Variants in CDH13 observed in about 807,000 individuals in gnomAD.
CDH13 encodes cadherin 13.
A neutral mutation model predicts 63.8 loss-of-function variants in CDH13; 24 were observed. The ratio of observed to expected loss-of-function variants is 0.38; its 90% CI spans 0.27 to 0.53. The LOEUF (loss-of-function observed/expected upper bound fraction) is 0.53. Among genes scored for constraint, CDH13 ranks in the 20% least tolerant of loss-of-function variants. CDH13 has a pLI of 0.85. For missense variants in CDH13, 1,049 were observed against 903.1 expected, an observed-to-expected ratio of 1.16 and a Z score of -2.07; for synonymous variants, 503 against 355.3, an observed-to-expected ratio of 1.42 and a Z score of -4.67.
intron 2 of CDH13, among the ~76,000 whole-genome samples, chr16:82,963,480 C>A (rs1484337026): frequency 6.6e-6 from 1 of 152,172 alleles, no homozygotes; most frequent in Admixed American, 6.6e-5. Flanking sequence ...TATGGTTTCA[C>A]CGTATCACAT....
At chr16:83,193,426 G>A (rs933594409) in intron 4 of CDH13, among the ~76,000 whole-genome samples, 4 of 152,166 alleles carry the variant, frequency 2.6e-5, no homozygotes, top group Non-Finnish European at 5.9e-5. Context: ...CCTACCTCCT[G>A]GGGAGAAGAC....
At chr16:83,337,128 G>T (rs549958841) in intron 5 of CDH13, among the ~76,000 whole-genome samples, 1 of 152,274 alleles carries the variant, frequency 6.6e-6, no homozygotes, top group East Asian at 1.9e-4. Flanking sequence ...AGCATTTTAC[G>T]TACAGCCAAT....
chr16:83,198,538 AG>A (rs2038940605), intron 4 of CDH13, among the ~76,000 whole-genome samples: 1 of 152,208 alleles, frequency 6.6e-6, no homozygotes, highest in Non-Finnish European at 1.5e-5. Context: ...TACAGACAGA[AG>A]GTGCATCTTG....
intron 5 of CDH13, among the ~76,000 whole-genome samples, chr16:83,313,702 C>T (rs942734995): frequency 6.8e-6 from 1 of 146,880 alleles, no homozygotes; most frequent in African/African-American, 2.5e-5. Flanking sequence ...AAAATGTGAG[C>T]ATTCTAGAGG....
chr16:83,017,287 T>C (rs1914900945), intron 2 of CDH13, among the ~76,000 whole-genome samples: 1 of 152,196 alleles, frequency 6.6e-6, no homozygotes, highest in Non-Finnish European at 1.5e-5. Context: ...TGGATTTAAT[T>C]ACTGACTTCA....
chr16:82,826,876 G>C (rs988343108), intron 1 of CDH13, among the ~76,000 whole-genome samples: 1 of 152,210 alleles, frequency 6.6e-6, no homozygotes, highest in Non-Finnish European at 1.5e-5. Context: ...AGGTTTTCAA[G>C]TTACAGCAGC....
rs368745460 is a variant in CDH13 at position 83,102,428 on chromosome 16, G to A, written c.367-22957G>A. 1.3e-3 allele frequency among the ~76,000 whole-genome samples: 204 copies of A among 152,332 alleles called. 5 individuals are homozygous for A. The South Asian group carries it at 0.041, about 31-fold the overall frequency. On this transcript the variant is annotated intron_variant, in intron 3 of 13. Coordinates refer to ENST00000567109, the MANE Select transcript of CDH13 (RefSeq NM_001257.5). ...GCTCTGAAGTGGGGGTGGGTCTGGT[G>A]TGCTCCAGGATGCCAGTGTGCCTGG... is the stretch of plus-strand genomic sequence containing the variant.
At chr16:83,081,614 G>T (rs1034029330) in intron 3 of CDH13, among the ~76,000 whole-genome samples, 1 of 152,118 alleles carries the variant, frequency 6.6e-6, no homozygotes, top group African/African-American at 2.4e-5. Context: ...GGTACCAGCA[G>T]GGTAGGGTTT....
intron 2 of CDH13, among the ~76,000 whole-genome samples, chr16:82,878,033 G>A (rs1027467906): frequency 2.6e-5 from 4 of 151,226 alleles, no homozygotes; most frequent in African/African-American, 9.7e-5. Context: ...GTAAGATATA[G>A]TAAAATGTTT....
At chr16:83,477,705 C>T (rs1001367292) in intron 6 of CDH13, among the ~76,000 whole-genome samples, 8 of 152,164 alleles carry the variant, frequency 5.3e-5, no homozygotes, top group African/African-American at 1.7e-4. Context: ...TCATCAACAA[C>T]ATCTAATTCG....
At chr16:83,597,802 T>C (rs1907413384) in intron 7 of CDH13, among the ~76,000 whole-genome samples, 1 of 152,220 alleles carries the variant, frequency 6.6e-6, no homozygotes, top group Admixed American at 6.5e-5. Context: ...AATTGGTTCA[T>C]TTTCTAAAAT....
intron 6 of CDH13, among the ~76,000 whole-genome samples, chr16:83,376,676 C>G (rs4145655): frequency 1.3e-5 from 2 of 151,956 alleles, no homozygotes; most frequent in South Asian, 4.2e-4. Flanking sequence ...GACATGCATA[C>G]TCTAGAGAGA....
At chr16:83,720,810 C>G (rs1222142841) in intron 10 of CDH13, among the ~76,000 whole-genome samples, 4 of 152,196 alleles carry the variant, frequency 2.6e-5, no homozygotes. Flanking sequence ...AGGTAAGCCC[C>G]ATGGGGCCTT....
chr16:83,398,835 G>A (rs893005870), intron 6 of CDH13, among the ~76,000 whole-genome samples: 25 of 152,232 alleles, frequency 1.6e-4, no homozygotes, highest in African/African-American at 6.0e-4. Flanking sequence ...GATTTATTGT[G>A]CCCATTAAGC....
chr16:83,750,131 A>G (rs11649646), intron 11 of CDH13, among the ~76,000 whole-genome samples: 5,030 of 152,140 alleles, frequency 0.033, 123 homozygotes, highest in East Asian at 0.085. Context: ...CCCCATCTCT[A>G]CTAAAGATAC....
At chr16:83,163,502 C>T (rs2037535328) in intron 4 of CDH13, among the ~76,000 whole-genome samples, 1 of 152,106 alleles carries the variant, frequency 6.6e-6, no homozygotes, top group African/African-American at 2.4e-5. Flanking sequence ...TTGTCTTTGC[C>T]ATCAGCATTA....
At chr16:83,127,869 G>A (rs2035879882) in intron 4 of CDH13, among the ~76,000 whole-genome samples, 1 of 152,182 alleles carries the variant, frequency 6.6e-6, no homozygotes, top group Non-Finnish European at 1.5e-5. Context: ...CTTTTTAAGA[G>A]TCTGGGACAT....
chr16:83,435,864 A>G (rs1296085255), intron 6 of CDH13, among the ~76,000 whole-genome samples: 1 of 152,168 alleles, frequency 6.6e-6, no homozygotes, highest in East Asian at 1.9e-4. Context: ...CGCTGTGTGA[A>G]GAGAGGAATT....
At chr16:83,318,900 G>A (rs532748217) in intron 5 of CDH13, among the ~76,000 whole-genome samples, 1 of 152,000 alleles carries the variant, frequency 6.6e-6, no homozygotes, top group South Asian at 2.1e-4. Flanking sequence ...AGATAGGGAA[G>A]ACCTTGTCCC....
Sources: allele counts gnomAD v4.1 joint callset (sites outside exome capture counted in the v4.1 genomes callset), GRCh38; gene constraint gnomAD v4.1.1; transcripts MANE v1.5; gene names NCBI Gene and HGNC (gene_info 2026-07-23, HGNC 2026-07-21).